The following HECTD2 variants were observed in gnomAD, a reference collection of about 807,000 sequenced individuals.
The protein encoded by HECTD2 is HECT domain E3 ubiquitin protein ligase 2.
HECTD2 carries 35 observed loss-of-function variants against 103.2 expected under a neutral mutation model. The ratio of observed to expected loss-of-function variants is 0.34; its 90% CI spans 0.26 to 0.45. HECTD2 has a LOEUF of 0.45. Among genes scored for constraint, HECTD2 ranks in the 20% least tolerant of loss-of-function variants. HECTD2 has a pLI of 1.00. For missense variants in HECTD2, 596 were observed against 937.4 expected, an observed-to-expected ratio of 0.64 and a Z score of 4.76; for synonymous variants, 281 against 329.9, an observed-to-expected ratio of 0.85 and a Z score of 1.61.
At position 91,497,434 on chromosome 10, in the gene HECTD2, G is replaced by A. The variant is rs775138194; in HGVS notation, c.1681-674G>A. Among the ~76,000 whole-genome samples the A allele has an allele frequency of 9.5e-5, 14 of 147,606 alleles. No homozygotes were observed. The Admixed American group carries it at 9.5e-4, about 10-fold the overall frequency. On this transcript the variant is annotated intron_variant, in intron 15 of 20. Transcript: ENST00000298068. Reference sequence around the variant, plus strand: ...GCCTCCCGAATAGCTGGGATTACAGGTGTGAGCCACCACACCTGGCTATTT... The same window carrying A: ...GCCTCCCGAATAGCTGGGATTACAGATGTGAGCCACCACACCTGGCTATTT...
intron 16 of HECTD2, 35 bp downstream of exon 16, chr10:91,498,217 T>C (rs1368945049): frequency 7.4e-7 from 1 of 1,352,880 alleles, no homozygotes. Context: ...CTGTTAATCA[T>C]ATATTTCATA....
chr10:91,487,886 T>C lies in HECTD2; in HGVS notation c.1191+108T>C. 1 of 716,056 alleles carries C rather than the reference T, an allele frequency of 1.4e-6. No individual in the cohort carries two copies. Among genetic ancestry groups the C allele is most frequent in the East Asian group, 2.9e-5 (1 of 34,984 alleles). The allele number at this position is 716,056 out of a possible 1,614,324, so 44.4% of individuals were successfully genotyped here. On this transcript the variant is annotated intron_variant, in intron 11 of 20. Transcript: ENST00000298068. The surrounding 1 kb of genome is among the most constrained non-coding windows in gnomAD (Gnocchi z 4.1). ...ATTGTTCTAGCATAATCAGGAATGT[T>C]AAAAGCAAAATTCGTGTTATACTCA... is the stretch of plus-strand genomic sequence containing the variant.
At chr10:91,437,348 G>A (rs183537878) in intron 2 of HECTD2, among the ~76,000 whole-genome samples, 2 of 152,074 alleles carry the variant, frequency 1.3e-5, no homozygotes, top group Admixed American at 1.3e-4. Context: ...CCTTTTTCAG[G>A]TGGCTCTTGG....
At chr10:91,450,345 C>T (rs2133149802) in intron 2 of HECTD2, among the ~76,000 whole-genome samples, 1 of 152,190 alleles carries the variant, frequency 6.6e-6, no homozygotes, top group Admixed American at 6.5e-5. Context: ...AAACTGGACC[C>T]CTTCCTTACA....
In HECTD2 at chr10:91,478,537, T is replaced by TAACA. The variant is rs1192611090; in HGVS notation, c.665+275_665+278dup. Among the ~76,000 whole-genome samples the TAACA allele has an allele frequency of 5.3e-5, 8 of 152,276 alleles. No individual in the cohort carries two copies. The South Asian group carries it at 1.7e-3, about 32-fold the overall frequency. ...TTTTTTCTATGCAGATATATATGCT[T>TAACA]AACAAAAATGGAATGGGTACTTACA... On this transcript the variant is annotated intron_variant, in intron 6 of 20. Transcript: ENST00000298068.
Position 91,410,402 on chromosome 10 carries a change from G to GCCGCCGCCGCCTGGCGCTC in HECTD2, c.-28_-10dup, listed in dbSNP as rs1842863939. 7 of 1,333,124 alleles carry GCCGCCGCCGCCTGGCGCTC rather than the reference G, an allele frequency of 5.3e-6. No individual in the cohort carries two copies. The highest frequency in any genetic ancestry group is 2.8e-4 in the Middle Eastern group (1 of 3,618). 82.6% of individuals were successfully genotyped at this position (1,333,124 alleles called of 1,614,324 possible). On this transcript the variant is annotated 5_prime_UTR_variant, in exon 1 of 21. Transcript: ENST00000298068. The stretch of plus-strand genomic sequence containing the variant: ...CGCCAGCCCCAGCAACACTGAGGCC[G>GCCGCCGCCGCCTGGCGCTC]CCGCCGCCGCCTGGCGCTCCCGCCG...
At chr10:91,417,757 G>A (rs1341350266) in intron 1 of HECTD2, among the ~76,000 whole-genome samples, 5 of 151,962 alleles carry the variant, frequency 3.3e-5, no homozygotes, top group Admixed American at 2.0e-4. Context: ...TCTTAATCCA[G>A]TCTATCATTG....
intron 5 of HECTD2, chr10:91,463,328 A>C (rs1189453158): frequency 1.3e-5 from 2 of 152,204 alleles, no homozygotes; most frequent in African/African-American, 4.8e-5. Flanking sequence ...GTGGAAGTGG[A>C]CTATCATAAA....
chr10:91,479,770 T>C (rs1358233209), intron 6 of HECTD2, among the ~76,000 whole-genome samples: 1 of 152,192 alleles, frequency 6.6e-6, no homozygotes, highest in Non-Finnish European at 1.5e-5. Flanking sequence ...GTTATGATAA[T>C]GTATACTTCT....
intron 2 of HECTD2, among the ~76,000 whole-genome samples, chr10:91,427,367 G>C (rs1253344641): frequency 1.3e-5 from 2 of 151,968 alleles, no homozygotes; most frequent in Non-Finnish European, 2.9e-5. Flanking sequence ...TATATACCCA[G>C]TAATGGGATG....
At chr10:91,462,601 A>G in intron 5 of HECTD2, 1 of 1,043,296 alleles carries the variant, frequency 9.6e-7, no homozygotes, top group Non-Finnish European at 1.2e-6. Context: ...TTCATTTGTA[A>G]CAAGTTCCCA....
chr10:91,421,330 C>G (rs2133011244), intron 1 of HECTD2, among the ~76,000 whole-genome samples: 1 of 151,980 alleles, frequency 6.6e-6, no homozygotes, highest in South Asian at 2.1e-4. Context: ...TTTGGTCATT[C>G]ATTCTTAATC....
chr10:91,501,121 T>C, intron 19 of HECTD2, 70 bp from the exon 20 acceptor site: 1 of 1,334,414 alleles, frequency 7.5e-7, no homozygotes, highest in Non-Finnish European at 1.1e-6. Context: ...CCTTAGAGCT[T>C]CCTTTATATT....
Position 91,487,654 on chromosome 10 carries a change from CT to C in HECTD2, c.1095-23del. 2 of 1,459,048 alleles carry C rather than the reference CT, an allele frequency of 1.4e-6. No homozygotes were observed. Among genetic ancestry groups the C allele is most frequent in the Non-Finnish European group, 1.9e-6 (2 of 1,039,216 alleles). The allele number at this position is 1,459,048 out of a possible 1,614,324, so 90.4% of individuals were successfully genotyped here. ...ATTTTGTTAAAAATACACCATTTTG[CT>C]TTTTCTTTTTTTCACTTGTTGAGCA... On this transcript the variant is annotated intron_variant, in intron 10 of 20. Transcript: ENST00000298068. This position sits in a 1 kb window ranked among gnomAD's most constrained non-coding sequence, Gnocchi z 4.1.
chr10:91,431,897 G>A lies in HECTD2; in HGVS notation c.268+6487G>A, dbSNP rs1303862823. On this transcript the variant is annotated intron_variant, in intron 2 of 20. Coordinates refer to ENST00000298068, the MANE Select transcript of HECTD2 (RefSeq NM_182765.6). ...TCTCAACTCTTCAAAGTCATTCTCC[G>A]TCCAGCTTTGTTCCATTACTGGTGA... 3.9e-5 allele frequency among the ~76,000 whole-genome samples: 6 copies of A among 151,938 alleles called. No homozygotes were observed. In the East Asian group the frequency reaches 7.7e-4, roughly 20 times the overall value.
At chr10:91,450,327 GA>G (rs1452966630) in intron 2 of HECTD2, among the ~76,000 whole-genome samples, 1 of 152,150 alleles carries the variant, frequency 6.6e-6, no homozygotes, top group Non-Finnish European at 1.5e-5. Flanking sequence ...GTCATATGCA[GA>G]AAACTGAAAC....
At chr10:91,445,360 T>C (rs1844555659) in intron 2 of HECTD2, among the ~76,000 whole-genome samples, 1 of 152,048 alleles carries the variant, frequency 6.6e-6, no homozygotes, top group African/African-American at 2.4e-5. Context: ...GAGGAAATAG[T>C]GATATAAAAA....
At chr10:91,433,294 A>G (rs1316719376) in intron 2 of HECTD2, among the ~76,000 whole-genome samples, 4 of 151,976 alleles carry the variant, frequency 2.6e-5, no homozygotes, top group African/African-American at 9.7e-5. Flanking sequence ...CTATAAAAAT[A>G]AATATGTTTC....
At chr10:91,500,366 A>AG in intron 18 of HECTD2, 136 bp from the exon 19 acceptor site, 39 of 510,992 alleles carry the variant, frequency 7.6e-5, no homozygotes, top group Non-Finnish European at 9.4e-5. Flanking sequence ...CCCAGAGTCG[A>AG]TTTTTCTTCA....
Sources: gnomAD v4.1 joint callset for allele counts (sites outside exome capture counted in the v4.1 genomes callset) on GRCh38, gnomAD v4.1.1 for gene constraint, Gnocchi (gnomAD v3.1) non-coding constraint, MANE v1.5 for transcripts, NCBI Gene and HGNC (gene_info 2026-07-23, HGNC 2026-07-21) for gene names.